Variants in RHCG observed in about 807,000 individuals in gnomAD.
RHCG encodes the protein Rh family C glycoprotein.
RHCG carries 39 observed loss-of-function variants against 55.3 expected under a neutral mutation model. The ratio of observed to expected loss-of-function variants is 0.70; its 90% CI spans 0.55 to 0.92. RHCG has a LOEUF of 0.92. Ranked by LOEUF, RHCG falls within the 40% of genes least tolerant of loss-of-function variation. RHCG has a pLI of 0.00. For missense variants in RHCG, 635 were observed against 627.9 expected, an observed-to-expected ratio of 1.01 and a Z score of -0.12; for synonymous variants, 250 against 246.8, an observed-to-expected ratio of 1.01 and a Z score of -0.12.
chr15:89,486,560 G>GAC, intron 2 of RHCG: 10 of 537,404 alleles, frequency 1.9e-5, no homozygotes, highest in Middle Eastern at 2.8e-4. Context: ...GAGAGAGAGA[G>GAC]AGACAGAGAG....
Position 89,496,396 on chromosome 15 carries a change from C to T in RHCG, c.149G>A (p.Ser50Asn). Reference sequence around the variant, plus strand: ...ATAGTAGAATTCGTTCTCCATGTCGCTCAAGTTCTTGTGCGTCCTCTCTGA... The same window carrying T: ...ATAGTAGAATTCGTTCTCCATGTCGTTCAAGTTCTTGTGCGTCCTCTCTGA... ...WWSERTHKNLSDMENEFYYRY... is the reference protein window; with the variant it reads ...WWSERTHKNLNDMENEFYYRY... Residue 50 changes from serine (S) to asparagine (N), a missense_variant, in exon 1 of 11, where the codon AGC becomes AAC. Transcript: ENST00000268122. The T allele has an allele frequency of 6.2e-7, 1 of 1,614,046 alleles. No individual in the cohort carries two copies. The highest frequency in any genetic ancestry group is 2.2e-5 in the East Asian group (1 of 44,874).
rs752484658 is a variant in RHCG, at chr15:89,477,505, C to G, written c.1112+12G>C. On this transcript the variant is annotated intron_variant, in intron 7 of 10. Coordinates refer to ENST00000268122, the MANE Select transcript of RHCG (RefSeq NM_016321.3). The surrounding 1 kb of genome is among the most constrained non-coding windows in gnomAD (Gnocchi z 4.5). ...GGGAAGCTCCATCCCACCGCACCTC[C>G]TCCACATTTACCCTTCTTTTCCATA... 15 of 1,613,654 alleles carry G rather than the reference C, an allele frequency of 9.3e-6. No individual in the cohort carries two copies. The highest frequency in any genetic ancestry group is 6.7e-5 in the Admixed American group (4 of 59,982).
At position 89,480,241 on chromosome 15, in the gene RHCG, G is replaced by A; in HGVS notation, c.670+20C>T. ...CCTTCACCCATCATGGTGGCCCTCG[G>A]TCATGATGGCAGTTCTCACCAATCA... On this transcript the variant is annotated intron_variant, in intron 4 of 10. Transcript: ENST00000268122. The A allele has an allele frequency of 6.2e-7, 1 of 1,613,538 alleles. No homozygotes were observed. Among genetic ancestry groups the A allele is most frequent in the East Asian group, 2.2e-5 (1 of 44,856 alleles).
At chr15:89,494,589 T>A (rs1961532445) in intron 1 of RHCG, among the ~76,000 whole-genome samples, 1 of 151,736 alleles carries the variant, frequency 6.6e-6, no homozygotes, top group Admixed American at 6.6e-5. Context: ...CTGGTGAGGT[T>A]CTGCAGCTCC....
At chr15:89,485,121 G>A (rs1345022772) in intron 2 of RHCG, among the ~76,000 whole-genome samples, 1 of 152,178 alleles carries the variant, frequency 6.6e-6, no homozygotes, top group Non-Finnish European at 1.5e-5. Flanking sequence ...AGTTTTTCAA[G>A]TGACCAACTT....
chr15:89,477,477 A>C lies in RHCG; in HGVS notation c.1112+40T>G. On this transcript the variant is annotated intron_variant, in intron 7 of 10. Coordinates refer to ENST00000268122, the MANE Select transcript of RHCG (RefSeq NM_016321.3). This position sits in a 1 kb window ranked among gnomAD's most constrained non-coding sequence, Gnocchi z 4.5. ...GCAGGAAGAAGGGATGGGAGAAGGA[A>C]GGGGGAAGCTCCATCCCACCGCACC... The C allele has an allele frequency of 2.5e-6, 4 of 1,608,300 alleles. No individual in the cohort carries two copies. Among genetic ancestry groups the C allele is most frequent in the Non-Finnish European group, 3.4e-6 (4 of 1,176,424 alleles).
At chr15:89,478,182 A>C (rs1961193311) in intron 5 of RHCG, among the ~76,000 whole-genome samples, 1 of 152,324 alleles carries the variant, frequency 6.6e-6, no homozygotes, top group South Asian at 2.1e-4. Flanking sequence ...CTCTCTGCAC[A>C]TGCCACCCAT....
At chr15:89,485,497 G>A (rs1482801017) in intron 2 of RHCG, among the ~76,000 whole-genome samples, 1 of 152,180 alleles carries the variant, frequency 6.6e-6, no homozygotes, top group African/African-American at 2.4e-5. Flanking sequence ...TCAGACACCT[G>A]GCTATCATAC....
intron 2 of RHCG, 200 bp downstream of exon 2, chr15:89,486,599 A>AGAGAGAGTGTGAGT: frequency 1.5e-5 from 4 of 264,458 alleles, no homozygotes; most frequent in Admixed American, 9.6e-5. Flanking sequence ...AGAGAGAGAG[A>AGAGAGAGTGTGAGT]GTGTGTGTGT....
chr15:89,473,367 G>C (rs1026069710), intron 9 of RHCG, among the ~76,000 whole-genome samples: 5 of 152,136 alleles, frequency 3.3e-5, no homozygotes, highest in Non-Finnish European at 7.4e-5. Context: ...GGGCAGGTCA[G>C]CCCTGCCCTT....
At chr15:89,480,803 C>A (rs1485928935) in intron 3 of RHCG, among the ~76,000 whole-genome samples, 1 of 152,232 alleles carries the variant, frequency 6.6e-6, no homozygotes. Context: ...CTGCTAGTGC[C>A]TTAGCAGGGC....
intron 1 of RHCG, among the ~76,000 whole-genome samples, chr15:89,496,062 C>T (rs560195411): frequency 2.6e-5 from 4 of 152,290 alleles, no homozygotes; most frequent in Non-Finnish European, 5.9e-5. Flanking sequence ...CGAGAGGACT[C>T]GGATCTTCTT....
At chr15:89,475,825 C>T (rs1961137727) in intron 9 of RHCG, among the ~76,000 whole-genome samples, 1 of 152,184 alleles carries the variant, frequency 6.6e-6, no homozygotes, top group African/African-American at 2.4e-5. Flanking sequence ...GTCAAAGCTC[C>T]CTAGGTGATT....
Position 89,477,160 on chromosome 15 carries a change from C to T in RHCG, c.1159G>A (p.Ala387Thr), listed in dbSNP as rs112948665. Residue 387 changes from alanine (A) to threonine (T), a missense_variant, in exon 8 of 11, where the codon GCA becomes ACA. By Grantham distance (58) the Ala-to-Thr change is moderately conservative. Coordinates refer to ENST00000268122, the MANE Select transcript of RHCG (RefSeq NM_016321.3). This position sits in a 1 kb window ranked among gnomAD's most constrained non-coding sequence, Gnocchi z 4.5. The stretch of plus-strand genomic sequence containing the variant: ...ATCTGGAACTTTCCCTGTGTTCTTG[C>T]GGTCCAGTCCCCGTTGAAACCTTGA... ...DFQGFNGDWT[A>T]RTQGKFQIYG... 191 of 1,614,076 alleles carry T rather than the reference C, an allele frequency of 1.2e-4. 1 individual carries two copies. In the African/African-American group the frequency reaches 1.2e-3, roughly 10 times the overall value.
In RHCG at chr15:89,486,599, A is replaced by AGTGTGT. The variant is rs778060424; in HGVS notation, c.371+194_371+199dup. The stretch of plus-strand genomic sequence containing the variant: ...GAGAGAGAGAGAGAGAGAGAGAGAG[A>AGTGTGT]GTGTGTGTGTGTGTGTGTGTGTGTG... On this transcript the variant is annotated intron_variant, in intron 2 of 10. Coordinates refer to ENST00000268122, the MANE Select transcript of RHCG (RefSeq NM_016321.3). 7.6e-3 allele frequency: 1,998 copies of AGTGTGT among 262,362 alleles called. 14 individuals are homozygous for AGTGTGT. Among genetic ancestry groups the AGTGTGT allele is most frequent in the Admixed American group, 0.012 (256 of 20,512 alleles). The allele number at this position is 262,362 out of a possible 1,614,324, so 16.3% of individuals were successfully genotyped here.
At chr15:89,489,411 ACTG>A (rs1398883306) in intron 1 of RHCG, among the ~76,000 whole-genome samples, 1 of 152,064 alleles carries the variant, frequency 6.6e-6, no homozygotes, top group East Asian at 1.9e-4. Context: ...GATGTGAACC[ACTG>A]CACCTGGCCA....
intron 3 of RHCG, among the ~76,000 whole-genome samples, chr15:89,481,069 C>A (rs1221782303): frequency 6.6e-6 from 1 of 152,226 alleles, no homozygotes; most frequent in African/African-American, 2.4e-5. Context: ...GGATTCTCGA[C>A]TCCCAGCCTA....
rs1335901086 is a variant in RHCG at position 89,486,867 on chromosome 15, C to A, written c.303G>T (p.Gln101His). 1 of 1,612,456 alleles carries A rather than the reference C, an allele frequency of 6.2e-7. No homozygotes were observed. Among genetic ancestry groups the A allele is most frequent in the South Asian group, 1.1e-5 (1 of 91,002 alleles). ...ACCAGCCCTGCATGAGCAGCGCCCACTGGATGCCGAAGGCTGCCAACAGGA... is the reference window on the plus strand; with the variant it reads ...ACCAGCCCTGCATGAGCAGCGCCCAATGGATGCCGAAGGCTGCCAACAGGA... ...FNFLLAAFGI[Q>H]WALLMQGWFH... The change falls in exon 2 of 11, where the codon CAG becomes CAT. Residue 101 changes from glutamine (Q) to histidine (H), a missense_variant. By Grantham distance (24) the Gln-to-His change is conservative. Coordinates refer to ENST00000268122, the MANE Select transcript of RHCG (RefSeq NM_016321.3).
At chr15:89,494,949 C>A (rs1961539584) in intron 1 of RHCG, among the ~76,000 whole-genome samples, 1 of 152,112 alleles carries the variant, frequency 6.6e-6, no homozygotes, top group Admixed American at 6.5e-5. Flanking sequence ...AAAGGAGGGT[C>A]TCAAGCTTGC....
Sources: allele counts gnomAD v4.1 joint callset (sites outside exome capture counted in the v4.1 genomes callset), GRCh38; gene constraint gnomAD v4.1.1; non-coding constraint Gnocchi (gnomAD v3.1); transcripts MANE v1.5; gene names NCBI Gene and HGNC (gene_info 2026-07-23, HGNC 2026-07-21).